Variants in CACNB4 observed in about 807,000 individuals in gnomAD.
The protein encoded by CACNB4 is voltage-dependent L-type calcium channel subunit beta-4.
CACNB4 carries 32 observed loss-of-function variants against 71.2 expected under a neutral mutation model. The observed-to-expected ratio is 0.45, with a 90% CI of 0.34 to 0.60. The LOEUF (loss-of-function observed/expected upper bound fraction) is 0.60. Ranked by LOEUF, CACNB4 falls within the 20% of genes least tolerant of loss-of-function variation. CACNB4 has a pLI of 0.01. For synonymous variants in CACNB4, 231 were observed against 236.9 expected (o/e 0.97, Z 0.23); for missense variants, 464 against 647.9 (o/e 0.72, Z 3.08).
At position 151,936,733 on chromosome 2, in the gene CACNB4, T is replaced by C. The variant is rs552935068; in HGVS notation, c.148-53363A>G. 3.9e-5 allele frequency among the ~76,000 whole-genome samples: 6 copies of C among 152,344 alleles called. No individual in the cohort carries two copies. In the South Asian group the frequency reaches 1.2e-3, roughly 32 times the overall value. ...ATCTTTCTCTCCCAGTAATACGTGG[T>C]TGGGAATGCCCTAGGGCCCGGACCA... On this transcript the variant is annotated intron_variant, in intron 2 of 13. Coordinates refer to ENST00000539935, the MANE Select transcript of CACNB4 (RefSeq NM_000726.5).
chr2:151,876,392 C>CA (rs762106939), intron 5 of CACNB4, 34 bp downstream of exon 5: 146 of 1,565,012 alleles, frequency 9.3e-5, no homozygotes, highest in Middle Eastern at 3.4e-4. Context: ...ATTTTCTGAC[C>CA]AAAAAAAAGT....
chr2:151,951,525 C>G (rs1027362642), intron 2 of CACNB4, among the ~76,000 whole-genome samples: 1 of 152,084 alleles, frequency 6.6e-6, no homozygotes, highest in Non-Finnish European at 1.5e-5. Flanking sequence ...TCGGTGTGCT[C>G]CTTTGAGTGA....
intron 2 of CACNB4, among the ~76,000 whole-genome samples, chr2:151,998,884 G>GACCC (rs1437178409): frequency 1.6e-4 from 25 of 152,272 alleles, no homozygotes; most frequent in Admixed American, 1.1e-3. Flanking sequence ...GCAAGAGGGT[G>GACCC]ACCCACCTCT....
At chr2:152,033,029 C>G (rs1684374006) in intron 2 of CACNB4, among the ~76,000 whole-genome samples, 1 of 152,176 alleles carries the variant, frequency 6.6e-6, no homozygotes, top group Non-Finnish European at 1.5e-5. Flanking sequence ...TGCAGAGGTT[C>G]TGCTTCAGGC....
chr2:151,895,888 G>A (rs75265554), intron 2 of CACNB4, among the ~76,000 whole-genome samples: 2,630 of 148,360 alleles, frequency 0.018, 74 homozygotes, highest in African/African-American at 0.063. Flanking sequence ...TTGTCATCCA[G>A]GCTGGAGCGC....
At chr2:152,037,396 C>G (rs1684653244) in intron 2 of CACNB4, among the ~76,000 whole-genome samples, 1 of 152,192 alleles carries the variant, frequency 6.6e-6, no homozygotes, top group African/African-American at 2.4e-5. Flanking sequence ...CCTGCTTTGG[C>G]CCAAATGTCA....
At chr2:152,080,171 G>A (rs532111298) in intron 2 of CACNB4, among the ~76,000 whole-genome samples, 12 of 151,882 alleles carry the variant, frequency 7.9e-5, no homozygotes, top group Admixed American at 1.3e-4. Context: ...GCCCAGGCTG[G>A]AGTGCAGTGG....
At chr2:152,052,031 T>C (rs1560163642) in intron 2 of CACNB4, among the ~76,000 whole-genome samples, 1 of 152,236 alleles carries the variant, frequency 6.6e-6, no homozygotes. Context: ...TTCACACATA[T>C]TGTAGCACAT....
Position 152,098,873 on chromosome 2 carries a change from G to A in CACNB4, c.63+76C>T. 8.3e-7 allele frequency: 1 copy of A among 1,200,754 alleles called. No homozygotes were observed. The highest frequency in any genetic ancestry group is 1.1e-6 in the Non-Finnish European group (1 of 871,898). The allele number at this position is 1,200,754 out of a possible 1,614,324, so 74.4% of individuals were successfully genotyped here. A position where few individuals can be genotyped will look rare whatever the true frequency, so the allele number is the denominator to read the frequency against. ...GGCCCCGCACGCCCGGCACGAAGGC[G>A]GGGCGCGCTAGGGCGGCGGAGGAGG... is the stretch of plus-strand genomic sequence containing the variant. On this transcript the variant is annotated intron_variant, in intron 1 of 13. Coordinates refer to ENST00000539935, the MANE Select transcript of CACNB4 (RefSeq NM_000726.5). The surrounding 1 kb of genome is among the most constrained non-coding windows in gnomAD (Gnocchi z 5.3).
At chr2:151,897,472 G>C (rs2151494167) in intron 2 of CACNB4, among the ~76,000 whole-genome samples, 1 of 152,300 alleles carries the variant, frequency 6.6e-6, no homozygotes, top group Middle Eastern at 3.4e-3. Context: ...GTCAAAGAGA[G>C]AAGCCACGTC....
At chr2:151,892,136 G>T (rs2099850861) in intron 2 of CACNB4, among the ~76,000 whole-genome samples, 1 of 152,176 alleles carries the variant, frequency 6.6e-6, no homozygotes, top group Non-Finnish European at 1.5e-5. Context: ...GCATACTGAT[G>T]AGGCGCTGAT....
At chr2:151,904,745 G>A (rs766078274) in intron 2 of CACNB4, among the ~76,000 whole-genome samples, 6 of 152,122 alleles carry the variant, frequency 3.9e-5, no homozygotes, top group Non-Finnish European at 7.4e-5. Context: ...ATGTTGGCCA[G>A]GCTGGTCTCA....
At chr2:151,976,228 T>C (rs2099873775) in intron 2 of CACNB4, among the ~76,000 whole-genome samples, 1 of 152,192 alleles carries the variant, frequency 6.6e-6, no homozygotes, top group Non-Finnish European at 1.5e-5. Flanking sequence ...AAGTCAGAAA[T>C]GTGCTGGACT....
At chr2:152,084,697 C>A (rs1467450335) in intron 2 of CACNB4, among the ~76,000 whole-genome samples, 1 of 152,158 alleles carries the variant, frequency 6.6e-6, no homozygotes, top group Non-Finnish European at 1.5e-5. Flanking sequence ...GCAGCCTCAA[C>A]CTCCTAGGCT....
At chr2:151,888,920 T>C (rs1362724538) in intron 2 of CACNB4, among the ~76,000 whole-genome samples, 1 of 152,236 alleles carries the variant, frequency 6.6e-6, no homozygotes, top group Non-Finnish European at 1.5e-5. Context: ...ACATGGACAC[T>C]GTCTAATATG....
At chr2:152,041,785 A>T (rs1684885398) in intron 2 of CACNB4, among the ~76,000 whole-genome samples, 1 of 152,226 alleles carries the variant, frequency 6.6e-6, no homozygotes, top group Admixed American at 6.5e-5. Context: ...GATATCTTGC[A>T]AGTGATTAAA....
chr2:151,855,444 G>T, intron 10 of CACNB4, 69 bp from the exon 11 acceptor site: 1 of 1,190,432 alleles, frequency 8.4e-7, no homozygotes, highest in Non-Finnish European at 1.2e-6. Context: ...GAAAGATATA[G>T]TATATTTTCA....
At chr2:151,893,592 T>TTA (rs1393495266) in intron 2 of CACNB4, among the ~76,000 whole-genome samples, 1 of 152,010 alleles carries the variant, frequency 6.6e-6, no homozygotes, top group Non-Finnish European at 1.5e-5. Flanking sequence ...AAAGGCAATA[T>TTA]TATATATATA....
intron 2 of CACNB4, among the ~76,000 whole-genome samples, chr2:152,018,746 G>A (rs1321404115): frequency 6.6e-6 from 1 of 151,316 alleles, no homozygotes; most frequent in African/African-American, 2.4e-5. Context: ...CCAGGCTGCA[G>A]TGACCCATAA....
Sources: gnomAD v4.1 joint callset for allele counts (sites outside exome capture counted in the v4.1 genomes callset) on GRCh38, gnomAD v4.1.1 for gene constraint, Gnocchi (gnomAD v3.1) non-coding constraint, MANE v1.5 for transcripts, NCBI Gene and HGNC (gene_info 2026-07-23, HGNC 2026-07-21) for gene names.